The following RBBP5 variants were observed in gnomAD, a reference collection of about 807,000 sequenced individuals.
RBBP5 encodes the protein retinoblastoma-binding protein 5.
In RBBP5, 5 loss-of-function variants were observed where a neutral mutation model predicts 72.2. The observed-to-expected ratio is 0.07, with a 90% CI of 0.04 to 0.15. The LOEUF (loss-of-function observed/expected upper bound fraction) is 0.15. Among genes scored for constraint, RBBP5 ranks in the 10% least tolerant of loss-of-function variants. The pLI is 1.00. For missense variants in RBBP5, 322 were observed against 652.2 expected (o/e 0.49, Z 5.51); for synonymous variants, 209 against 237.2 (o/e 0.88, Z 1.09).
intron 1 of RBBP5, among the ~76,000 whole-genome samples, chr1:205,120,759 G>A (rs1300431293): frequency 6.6e-6 from 1 of 151,918 alleles, no homozygotes; most frequent in African/African-American, 2.4e-5. Flanking sequence ...TCCAGCCTAG[G>A]CGACGGCGCG....
In RBBP5 at chr1:205,114,888, G is replaced by C. The variant is rs1656460646; in HGVS notation, c.119C>G (p.Ala40Gly). Reference protein sequence around the residue: ...CTFNRWGTLLAVGCNDGRIVI... With the variant: ...CTFNRWGTLLGVGCNDGRIVI... ...AATTCGGCCATCATTACAGCCAACT[G>C]CAAGCAGTGTGCCCCACCTGTTAAA... Residue 40 changes from alanine to glycine, a missense_variant, in exon 3 of 14, where the codon GCA becomes GGA. Coordinates refer to ENST00000264515, the MANE Select transcript of RBBP5 (RefSeq NM_005057.4). 1.3e-6 allele frequency: 2 copies of C among 1,586,658 alleles called. No homozygotes were observed. Among genetic ancestry groups the C allele is most frequent in the Admixed American group, 1.7e-5 (1 of 57,716 alleles).
In RBBP5 at chr1:205,087,612, C is replaced by T. The variant is rs77799390; in HGVS notation, c.*1175G>A. The T allele has an allele frequency of 2.2e-4, 32 of 145,196 alleles. No homozygotes were observed. The East Asian group carries it at 6.1e-3, about 28-fold the overall frequency. The allele number at this position is 145,196 out of a possible 1,614,324, so 9.0% of individuals were successfully genotyped here. ...TTAAGCACTTCCAGTCAGCTAAAAA[C>T]GCCACTCAGAGAAGCTACTGAGCCC... On this transcript the variant is annotated 3_prime_UTR_variant, in exon 14 of 14. Coordinates refer to ENST00000264515, the MANE Select transcript of RBBP5 (RefSeq NM_005057.4).
chr1:205,107,431 T>C (rs1369145078), intron 3 of RBBP5, among the ~76,000 whole-genome samples: 1 of 152,048 alleles, frequency 6.6e-6, no homozygotes. Flanking sequence ...GGATTTCTCA[T>C]CAGAAACCAT....
intron 5 of RBBP5, among the ~76,000 whole-genome samples, chr1:205,103,598 T>C (rs1395093311): frequency 1.3e-5 from 2 of 152,200 alleles, no homozygotes; most frequent in Non-Finnish European, 2.9e-5. Context: ...CATTGAAATT[T>C]TATAATTTCA....
chr1:205,117,956 T>G (rs1656590951), intron 1 of RBBP5, among the ~76,000 whole-genome samples: 1 of 151,972 alleles, frequency 6.6e-6, no homozygotes, highest in African/African-American at 2.4e-5. Context: ...ATTACAGGCA[T>G]GCACTGCCAT....
chr1:205,093,533 T>TACAC (rs372536310), intron 13 of RBBP5, among the ~76,000 whole-genome samples: 59 of 4,854 alleles, frequency 0.012, no homozygotes, highest in South Asian at 0.056. Flanking sequence ...TATATATATA[T>TACAC]ACACACACAC....
chr1:205,094,096 A>C (rs750208024), intron 13 of RBBP5, among the ~76,000 whole-genome samples: 1 of 152,260 alleles, frequency 6.6e-6, no homozygotes, highest in Non-Finnish European at 1.5e-5. Context: ...GCCTAGGCTC[A>C]CAAGTATTTG....
At chr1:205,091,825 C>T (rs1314574575) in intron 13 of RBBP5, 2 of 152,192 alleles carry the variant, frequency 1.3e-5, no homozygotes, top group African/African-American at 2.4e-5. Context: ...ACACATACAA[C>T]CCTCAGACCG....
At position 205,099,140 on chromosome 1, in the gene RBBP5, G is replaced by T; in HGVS notation, c.979-34C>A. ...CAAGATATACTACTTAACCATATGT[G>T]AAAGCAATAATCTGTAATCTACACA... On this transcript the variant is annotated intron_variant, in intron 9 of 13. Transcript: ENST00000264515. The surrounding 1 kb of genome is among the most constrained non-coding windows in gnomAD (Gnocchi z 4.7). 1 of 1,277,550 alleles carries T rather than the reference G, an allele frequency of 7.8e-7. No individual in the cohort carries two copies. The highest frequency in any genetic ancestry group is 2.5e-5 in the East Asian group (1 of 40,044). 79.1% of individuals were successfully genotyped at this position (1,277,550 alleles called of 1,614,324 possible).
In RBBP5 at chr1:205,103,234, A is replaced by AG. The variant is rs1655917492; in HGVS notation, c.522+622_522+623insC. Among the ~76,000 whole-genome samples the AG allele has an allele frequency of 2.0e-5, 3 of 151,598 alleles. No individual in the cohort carries two copies. The South Asian group carries it at 6.2e-4, about 31-fold the overall frequency. On this transcript the variant is annotated intron_variant, in intron 5 of 13. Coordinates refer to ENST00000264515, the MANE Select transcript of RBBP5 (RefSeq NM_005057.4). ...GTGAGACTCCATCTCAAAAAAAAAA[A>AG]AAAAAAAAGGAAAAATTGCCTTTCT...
At chr1:205,091,902 G>A (rs1655364865) in intron 13 of RBBP5, 1 of 152,158 alleles carries the variant, frequency 6.6e-6, no homozygotes, top group Non-Finnish European at 1.5e-5. Context: ...AATACCTGGT[G>A]GAAAATCTAC....
rs572047026 is a variant in RBBP5 at position 205,107,056 on chromosome 1, ATGTGTG to A, written c.219-1894_219-1889del. Among the ~76,000 whole-genome samples the A allele has an allele frequency of 2.4e-4, 36 of 149,950 alleles. No homozygotes were observed. The South Asian group carries it at 6.8e-3, about 28-fold the overall frequency. ...TGTGTGTATATATGTGTGTATATGT[ATGTGTG>A]TGTGTGTGTATACATATATATATAT... On this transcript the variant is annotated intron_variant, in intron 3 of 13. Transcript: ENST00000264515.
intron 1 of RBBP5, among the ~76,000 whole-genome samples, chr1:205,117,848 C>T (rs903540708): frequency 6.6e-6 from 1 of 151,868 alleles, no homozygotes; most frequent in African/African-American, 2.4e-5. Context: ...AGAGTTCGCT[C>T]TTGTCTCCCA....
At position 205,099,154 on chromosome 1, in the gene RBBP5, G is replaced by C; in HGVS notation, c.979-48C>G. The C allele has an allele frequency of 9.3e-7, 1 of 1,073,366 alleles. No homozygotes were observed. The highest frequency in any genetic ancestry group is 2.7e-5 in the East Asian group (1 of 37,200). 66.5% of individuals were successfully genotyped at this position (1,073,366 alleles called of 1,614,324 possible). ...TAACCATATGTGAAAGCAATAATCT[G>C]TAATCTACACATTAATGATAAAATG... On this transcript the variant is annotated intron_variant, in intron 9 of 13. Transcript: ENST00000264515. This position sits in a 1 kb window ranked among gnomAD's most constrained non-coding sequence, Gnocchi z 4.7.
intron 12 of RBBP5, among the ~76,000 whole-genome samples, chr1:205,096,266 A>C (rs184517428): frequency 6.8e-4 from 103 of 151,946 alleles, no homozygotes; most frequent in African/African-American, 2.4e-3. Context: ...GTAAACACAC[A>C]CCCCCATCCA....
intron 13 of RBBP5, among the ~76,000 whole-genome samples, chr1:205,094,167 G>C (rs572252357): frequency 1.4e-4 from 22 of 152,182 alleles, no homozygotes; most frequent in African/African-American, 5.3e-4. Flanking sequence ...ATAAAAGTGA[G>C]AAAACTCAAA....
intron 1 of RBBP5, among the ~76,000 whole-genome samples, chr1:205,120,662 G>A (rs1484665589): frequency 6.6e-6 from 1 of 152,022 alleles, no homozygotes; most frequent in African/African-American, 2.4e-5. Flanking sequence ...CGCACCTGTA[G>A]TACCAGCTAC....
In RBBP5 at chr1:205,102,831, T is replaced by A. The variant is rs1351997122; in HGVS notation, c.522+1026A>T. Among the ~76,000 whole-genome samples the A allele has an allele frequency of 3.3e-5, 5 of 151,852 alleles. No individual in the cohort carries two copies. In the East Asian group the frequency reaches 7.7e-4, roughly 23 times the overall value. On this transcript the variant is annotated intron_variant, in intron 5 of 13. Transcript: ENST00000264515. ...CAACATGGAGAGACCCCGTCTCTAC[T>A]AAAAATACAAAATTAGCCAGGTGTG...
chr1:205,113,686 ATTTT>A (rs34699278), intron 3 of RBBP5, among the ~76,000 whole-genome samples: 1 of 125,730 alleles, frequency 8.0e-6, no homozygotes, highest in Non-Finnish European at 1.9e-5. Flanking sequence ...AAAAATGTGT[ATTTT>A]TTTTTTTTTT....
Sources: allele counts gnomAD v4.1 joint callset (sites outside exome capture counted in the v4.1 genomes callset), GRCh38; gene constraint gnomAD v4.1.1; non-coding constraint Gnocchi (gnomAD v3.1); transcripts MANE v1.5; gene names NCBI Gene and HGNC (gene_info 2026-07-23, HGNC 2026-07-21).